The following STX1B variants were observed in gnomAD, a reference collection of about 807,000 sequenced individuals.
STX1B encodes the protein syntaxin 1B.
In STX1B, 7 loss-of-function variants were observed where a neutral mutation model predicts 39.4. That is an observed-to-expected ratio of 0.18 (90% CI 0.10 to 0.33). The LOEUF (loss-of-function observed/expected upper bound fraction) is 0.33. Ranked by LOEUF, STX1B falls within the 10% of genes least tolerant of loss-of-function variation. The pLI, the probability that STX1B is intolerant of heterozygous loss-of-function variation, is 1.00. For missense variants in STX1B, 198 were observed against 383.2 expected (o/e 0.52, Z 4.04); for synonymous variants, 136 against 144.1 (o/e 0.94, Z 0.40).
At chr16:30,994,712 C>T (rs1013129062) in intron 7 of STX1B, among the ~76,000 whole-genome samples, 5 of 152,088 alleles carry the variant, frequency 3.3e-5, no homozygotes, top group African/African-American at 1.2e-4. Flanking sequence ...CTGTTCTTAC[C>T]ACATTGAGCC....
rs2056566347 is a variant in STX1B at position 30,992,641 on chromosome 16, C to CGA, written c.*179_*180insTC. 2 of 409,500 alleles carry CGA rather than the reference C, an allele frequency of 4.9e-6. No homozygotes were observed. The highest frequency in any genetic ancestry group is 8.4e-6 in the Non-Finnish European group (2 of 238,056). 25.4% of individuals were successfully genotyped at this position (409,500 alleles called of 1,614,324 possible). ...GCCTGCTGCGATCTACGTGCGGGGA[C>CGA]GGGGGGGGGGTCCATGGCCCGGTGA... On this transcript the variant is annotated 3_prime_UTR_variant, in exon 10 of 10. Coordinates refer to ENST00000215095, the MANE Select transcript of STX1B (RefSeq NM_052874.5).
At chr16:30,994,849 G>A (rs544332526) in intron 7 of STX1B, among the ~76,000 whole-genome samples, 31 of 141,588 alleles carry the variant, frequency 2.2e-4, no homozygotes, top group African/African-American at 5.9e-4. Flanking sequence ...TCTATAAGCC[G>A]AAATCATACA....
chr16:31,007,843 C>G (rs953062543), intron 1 of STX1B, among the ~76,000 whole-genome samples: 4 of 152,212 alleles, frequency 2.6e-5, no homozygotes, highest in African/African-American at 4.8e-5. Context: ...ACTTCCAGTC[C>G]TCAGGACAAC....
At chr16:31,000,861 A>C in intron 4 of STX1B, 67 bp downstream of exon 4, 1 of 1,560,566 alleles carries the variant, frequency 6.4e-7, no homozygotes, top group Non-Finnish European at 8.8e-7. Context: ...CGCCCTCCCA[A>C]AGGCCTGAGC....
intron 1 of STX1B, among the ~76,000 whole-genome samples, chr16:31,004,961 A>G (rs941529206): frequency 1.3e-5 from 2 of 152,154 alleles, no homozygotes; most frequent in Non-Finnish European, 2.9e-5. Flanking sequence ...TGGTCCTAAA[A>G]AGCCCACTCT....
rs1381181832 is a variant in STX1B, at chr16:30,996,748, T to G, written c.472A>C (p.Thr158Pro). ...IQRQLEITGR[T>P]TTNEELEDML... The stretch of plus-strand genomic sequence containing the variant: ...TCTTCCAGTTCTTCGTTGGTGGTGG[T>G]CCTTCCAGCTGCGGGAAGAAAGGAC... Residue 158 changes from threonine to proline, a missense_variant, in exon 7 of 10, where the codon ACC becomes CCC. Coordinates refer to ENST00000215095, the MANE Select transcript of STX1B (RefSeq NM_052874.5). The G allele has an allele frequency of 1.2e-6, 2 of 1,613,940 alleles. No individual in the cohort carries two copies. The highest frequency in any genetic ancestry group is 1.7e-6 in the Non-Finnish European group (2 of 1,179,942).
At position 30,990,954 on chromosome 16, in the gene STX1B, A is replaced by G. The variant is rs1478391413; in HGVS notation, c.*1867T>C. ...TGGCCACTGCCACACTGGCCACTCCAGTACTTCTGAAATAGACATTTCCCC... is the reference window on the plus strand; with the variant it reads ...TGGCCACTGCCACACTGGCCACTCCGGTACTTCTGAAATAGACATTTCCCC... On this transcript the variant is annotated 3_prime_UTR_variant, in exon 10 of 10. Coordinates refer to ENST00000215095, the MANE Select transcript of STX1B (RefSeq NM_052874.5). 6.6e-6 allele frequency: 1 copy of G among 152,256 alleles called. No individual in the cohort carries two copies. Among genetic ancestry groups the G allele is most frequent in the East Asian group, 1.9e-4 (1 of 5,200 alleles). 9.4% of individuals were successfully genotyped at this position (152,256 alleles called of 1,614,324 possible). A position where few individuals can be genotyped will look rare whatever the true frequency, so the allele number is the denominator to read the frequency against.
At chr16:31,007,545 C>T (rs1421216961) in intron 1 of STX1B, among the ~76,000 whole-genome samples, 2 of 152,206 alleles carry the variant, frequency 1.3e-5, no homozygotes, top group East Asian at 3.8e-4. Context: ...TTTTCACAGC[C>T]TCCACAACCA....
chr16:31,006,488 G>A (rs2056655672), intron 1 of STX1B, among the ~76,000 whole-genome samples: 1 of 152,236 alleles, frequency 6.6e-6, no homozygotes, highest in African/African-American at 2.4e-5. Flanking sequence ...AGGAGGGCCT[G>A]CCTCCAGGGA....
At chr16:31,000,819 G>T in intron 4 of STX1B, 109 bp downstream of exon 4, 1 of 1,094,416 alleles carries the variant, frequency 9.1e-7, no homozygotes, top group Non-Finnish European at 1.4e-6. Flanking sequence ...GGCTGGTGTT[G>T]AACTCCTGGG....
chr16:30,996,904 G>A (rs1472584541), intron 6 of STX1B, 47 bp downstream of exon 6: 1 of 1,577,138 alleles, frequency 6.3e-7, no homozygotes, highest in South Asian at 1.1e-5. Flanking sequence ...AAGGGGGCTT[G>A]GGCAGCCTCA....
chr16:31,001,387 C>T lies in STX1B; in HGVS notation c.105+142G>A, dbSNP rs1009120905. The T allele has an allele frequency of 5.5e-5, 40 of 728,748 alleles. No individual in the cohort carries two copies. Among genetic ancestry groups the T allele is most frequent in the Non-Finnish European group, 6.9e-5 (32 of 463,394 alleles). The allele number at this position is 728,748 out of a possible 1,614,324, so 45.1% of individuals were successfully genotyped here. A position where few individuals can be genotyped will look rare whatever the true frequency, so the allele number is the denominator to read the frequency against. ...GGCTAGGGGCTGGGTGCCGGGGCTG[C>T]GGCTGGGCGGTGGGACTAGGGGCTG... On this transcript the variant is annotated intron_variant, in intron 2 of 9. Coordinates refer to ENST00000215095, the MANE Select transcript of STX1B (RefSeq NM_052874.5). The surrounding 1 kb of genome is among the most constrained non-coding windows in gnomAD (Gnocchi z 5.5).
chr16:31,004,785 C>T (rs560088075), intron 1 of STX1B, among the ~76,000 whole-genome samples: 11 of 152,250 alleles, frequency 7.2e-5, no homozygotes, highest in Middle Eastern at 3.4e-3. Context: ...TGCCTACCAC[C>T]GGCTGATTCC....
chr16:30,997,107 T>A, intron 5 of STX1B, 48 bp from the exon 6 acceptor site: 1 of 1,341,158 alleles, frequency 7.5e-7, no homozygotes, highest in Non-Finnish European at 1.1e-6. Context: ...TAGTCAGGGA[T>A]CAGGGAGGGA....
chr16:30,994,892 C>CTTT (rs10524041), intron 7 of STX1B, among the ~76,000 whole-genome samples: 5 of 99,832 alleles, frequency 5.0e-5, no homozygotes, highest in Non-Finnish European at 9.8e-5. Context: ...GTCTCCCCGT[C>CTTT]TTTTTTTTTT....
At chr16:30,997,822 A>G (rs2056604093) in intron 4 of STX1B, among the ~76,000 whole-genome samples, 1 of 152,188 alleles carries the variant, frequency 6.6e-6, no homozygotes, top group Non-Finnish European at 1.5e-5. Flanking sequence ...GGGTCACCAG[A>G]CAGAAGGGGG....
chr16:30,997,433 C>A lies in STX1B; in HGVS notation c.354+69G>T. 6 of 1,410,336 alleles carry A rather than the reference C, an allele frequency of 4.3e-6. No homozygotes were observed. The South Asian group carries it at 7.4e-5, about 17-fold the overall frequency. 87.4% of individuals were successfully genotyped at this position (1,410,336 alleles called of 1,614,324 possible). On this transcript the variant is annotated intron_variant, in intron 5 of 9. Coordinates refer to ENST00000215095, the MANE Select transcript of STX1B (RefSeq NM_052874.5). ...CCCGCCGGTGCTTGGCCCTGGCCCG[C>A]CGGCCTCCAGCCTGGGCTCCTCCCG... is the stretch of plus-strand genomic sequence containing the variant.
At chr16:31,009,080 CCTGT>C (rs1354814547) in intron 1 of STX1B, among the ~76,000 whole-genome samples, 2 of 152,154 alleles carry the variant, frequency 1.3e-5, no homozygotes, top group Non-Finnish European at 2.9e-5. Context: ...CATTTGGCAA[CCTGT>C]CTGTCCCCAG....
chr16:31,000,780 G>T lies in STX1B; in HGVS notation c.280+148C>A. The T allele has an allele frequency of 3.9e-6, 3 of 776,840 alleles. No homozygotes were observed. In the South Asian group the frequency reaches 5.3e-5, roughly 14 times the overall value. The allele number at this position is 776,840 out of a possible 1,614,324, so 48.1% of individuals were successfully genotyped here. A position where few individuals can be genotyped will look rare whatever the true frequency, so the allele number is the denominator to read the frequency against. ...GGCCCAGCTAATTTTTGTATTTTTT[G>T]TAGAGACAGAGTTTTGCCATGTTGC... On this transcript the variant is annotated intron_variant, in intron 4 of 9. Transcript: ENST00000215095.
Sources: gnomAD v4.1 joint callset for allele counts (sites outside exome capture counted in the v4.1 genomes callset) on GRCh38, gnomAD v4.1.1 for gene constraint, Gnocchi (gnomAD v3.1) non-coding constraint, MANE v1.5 for transcripts, NCBI Gene and HGNC (gene_info 2026-07-23, HGNC 2026-07-21) for gene names.